The following ADCY2 variants were observed in gnomAD, a reference collection of about 807,000 sequenced individuals.
ADCY2 encodes the protein adenylate cyclase 2.
Under a neutral mutation model 125.2 loss-of-function variants are expected in ADCY2, and 31 were observed. The observed-to-expected ratio is 0.25, with a 90% CI of 0.19 to 0.33. The LOEUF is 0.33. ADCY2 is among the 10% of genes least tolerant of loss of function. The pLI, the probability that ADCY2 is intolerant of heterozygous loss-of-function variation, is 1.00. For missense variants in ADCY2, 904 were observed against 1,418.2 expected, an observed-to-expected ratio of 0.64 and a Z score of 5.82; for synonymous variants, 512 against 548.4, an observed-to-expected ratio of 0.93 and a Z score of 0.93.
intron 4 of ADCY2, among the ~76,000 whole-genome samples, chr5:7,654,787 GA>G (rs1437928412): frequency 6.6e-6 from 1 of 152,186 alleles, no homozygotes; most frequent in African/African-American, 2.4e-5. Context: ...ATGCCCAGAG[GA>G]GTGTACATGC....
intron 3 of ADCY2, among the ~76,000 whole-genome samples, chr5:7,538,189 T>C (rs4256319): frequency 0.98 from 149,898 of 152,316 alleles, 73,808 homozygotes; most frequent in East Asian, 1. Context: ...TCTCCCAGAA[T>C]AAAAATACAT....
intron 2 of ADCY2, among the ~76,000 whole-genome samples, chr5:7,482,470 G>T (rs997573631): frequency 1.3e-5 from 2 of 151,844 alleles, no homozygotes; most frequent in Admixed American, 6.6e-5. Context: ...CATTATTGTT[G>T]CCTGTGCTTG....
intron 11 of ADCY2, among the ~76,000 whole-genome samples, chr5:7,713,812 C>T (rs1741516364): frequency 2.0e-5 from 3 of 152,134 alleles, no homozygotes; most frequent in Non-Finnish European, 4.4e-5. Flanking sequence ...CTAAGCCAGG[C>T]TTTCTTTCTC....
intron 3 of ADCY2, among the ~76,000 whole-genome samples, chr5:7,542,189 G>A (rs1056936151): frequency 1.3e-5 from 2 of 152,246 alleles, no homozygotes; most frequent in Non-Finnish European, 2.9e-5. Context: ...CTACTCTCCT[G>A]ATGTTCCAAA....
At chr5:7,602,280 T>C (rs1042647630) in intron 3 of ADCY2, among the ~76,000 whole-genome samples, 1 of 152,238 alleles carries the variant, frequency 6.6e-6, no homozygotes, top group African/African-American at 2.4e-5. Context: ...AGAATGGCAA[T>C]TGAGTAAAAT....
At chr5:7,763,284 G>A (rs1413352227) in intron 16 of ADCY2, among the ~76,000 whole-genome samples, 2 of 151,308 alleles carry the variant, frequency 1.3e-5, no homozygotes, top group African/African-American at 2.4e-5. Flanking sequence ...GTAGAGACGG[G>A]GTTTCACCAT....
rs532418770 is a variant in ADCY2, at chr5:7,580,245, C to CTGAA, written c.571-45920_571-45917dup. Reference sequence around the variant, plus strand: ...AAACAAAAACCTTTACATGTATGCCCTGAATCTAAAATAAAGTTAACATTA... The same window carrying CTGAA: ...AAACAAAAACCTTTACATGTATGCCCTGAATGAATCTAAAATAAAGTTAACATTA... On this transcript the variant is annotated intron_variant, in intron 3 of 24. Transcript: ENST00000338316. Among the ~76,000 whole-genome samples the CTGAA allele has an allele frequency of 3.3e-5, 5 of 152,056 alleles. No individual in the cohort carries two copies. In the South Asian group the frequency reaches 1.0e-3, roughly 32 times the overall value.
intron 2 of ADCY2, among the ~76,000 whole-genome samples, chr5:7,477,483 C>T (rs1742567610): frequency 6.6e-6 from 1 of 151,708 alleles, no homozygotes; most frequent in East Asian, 1.9e-4. Flanking sequence ...CTCTAGTTCA[C>T]CATCTAGTAC....
intron 19 of ADCY2, among the ~76,000 whole-genome samples, chr5:7,786,858 G>A (rs1744099541): frequency 1.3e-5 from 2 of 152,172 alleles, no homozygotes; most frequent in South Asian, 4.1e-4. Context: ...CCAGTAACTG[G>A]TTCTTCTGTC....
At chr5:7,665,915 T>G (rs773557109) in intron 4 of ADCY2, among the ~76,000 whole-genome samples, 2 of 129,358 alleles carry the variant, frequency 1.5e-5, no homozygotes, top group African/African-American at 2.9e-5. Context: ...CTCGGCTCAC[T>G]GCAAGCTCTG....
At chr5:7,757,010 G>C (rs1177563103) in intron 15 of ADCY2, among the ~76,000 whole-genome samples, 1 of 152,168 alleles carries the variant, frequency 6.6e-6, no homozygotes, top group African/African-American at 2.4e-5. Context: ...CTGTATTCTT[G>C]TAATCTGCTA....
chr5:7,724,125 A>AAG (rs1741858673), intron 12 of ADCY2, among the ~76,000 whole-genome samples: 2 of 147,666 alleles, frequency 1.4e-5, no homozygotes, highest in Non-Finnish European at 3.0e-5. Context: ...AAAAAAAAAA[A>AAG]AAAAAAAAAA....
At chr5:7,524,936 A>G (rs1413495366) in intron 3 of ADCY2, among the ~76,000 whole-genome samples, 1 of 152,158 alleles carries the variant, frequency 6.6e-6, no homozygotes, top group Non-Finnish European at 1.5e-5. Flanking sequence ...ATTCATATCT[A>G]TACAGTCTTG....
At chr5:7,505,989 C>G (rs1232172750) in intron 2 of ADCY2, among the ~76,000 whole-genome samples, 7 of 148,014 alleles carry the variant, frequency 4.7e-5, no homozygotes, top group Non-Finnish European at 1.0e-4. Context: ...AAGACCTTAC[C>G]TTTTTTTTTT....
chr5:7,823,309 G>A (rs183723525), intron 24 of ADCY2, among the ~76,000 whole-genome samples: 3 of 152,310 alleles, frequency 2.0e-5, no homozygotes, highest in South Asian at 2.1e-4. Context: ...ATCTGCTCAC[G>A]AGATCAGACT....
At chr5:7,675,049 A>G (rs992842018) in intron 4 of ADCY2, among the ~76,000 whole-genome samples, 1 of 151,564 alleles carries the variant, frequency 6.6e-6, no homozygotes, top group Non-Finnish European at 1.5e-5. Context: ...CAGCTACTCG[A>G]GAGGCTGAGG....
At chr5:7,600,996 T>G (rs533879690) in intron 3 of ADCY2, among the ~76,000 whole-genome samples, 1 of 152,234 alleles carries the variant, frequency 6.6e-6, no homozygotes, top group Non-Finnish European at 1.5e-5. Flanking sequence ...TTTCAAGAAT[T>G]TTTGGGTGGA....
At chr5:7,465,184 C>A (rs559090886) in intron 2 of ADCY2, among the ~76,000 whole-genome samples, 17 of 152,286 alleles carry the variant, frequency 1.1e-4, no homozygotes, top group African/African-American at 2.2e-4. Flanking sequence ...ATTTGGGTGG[C>A]GACACAGCCA....
intron 23 of ADCY2, among the ~76,000 whole-genome samples, chr5:7,818,016 T>C (rs1318017867): frequency 6.6e-6 from 1 of 152,208 alleles, no homozygotes; most frequent in Non-Finnish European, 1.5e-5. Context: ...TTGGTTGCGA[T>C]GTGTGCAGTT....
Sources: gnomAD v4.1 joint callset for allele counts (sites outside exome capture counted in the v4.1 genomes callset) on GRCh38, gnomAD v4.1.1 for gene constraint, MANE v1.5 for transcripts, NCBI Gene and HGNC (gene_info 2026-07-23, HGNC 2026-07-21) for gene names.